CLSTN2: variants seen among roughly 807,000 people sequenced by gnomAD.
CLSTN2 encodes calsyntenin-2.
CLSTN2 carries 48 observed loss-of-function variants against 101.2 expected under a neutral mutation model. The ratio of observed to expected loss-of-function variants is 0.47; its 90% CI spans 0.38 to 0.60. The LOEUF (loss-of-function observed/expected upper bound fraction) is 0.60. CLSTN2 is among the 20% of genes least tolerant of loss of function. CLSTN2 has a pLI of 0.00. For synonymous variants in CLSTN2, 481 were observed against 463.6 expected, an observed-to-expected ratio of 1.04 and a Z score of -0.48; for missense variants, 1,160 against 1,238.2, an observed-to-expected ratio of 0.94 and a Z score of 0.95.
chr3:140,335,933 C>A (rs2087435348), intron 2 of CLSTN2, among the ~76,000 whole-genome samples: 1 of 152,148 alleles, frequency 6.6e-6, no homozygotes, highest in Non-Finnish European at 1.5e-5. Context: ...CTGTTAGGAT[C>A]CCTCCCGTCC....
chr3:140,061,604 A>G (rs1316794485), intron 1 of CLSTN2, among the ~76,000 whole-genome samples: 2 of 152,216 alleles, frequency 1.3e-5, no homozygotes. Context: ...CCCCTCCAAG[A>G]ATACGATAGA....
At chr3:140,037,901 A>G (rs1459614124) in intron 1 of CLSTN2, among the ~76,000 whole-genome samples, 4 of 152,176 alleles carry the variant, frequency 2.6e-5, no homozygotes, top group African/African-American at 4.8e-5. Flanking sequence ...GCTGCATAGT[A>G]TTCCATGGTG....
chr3:140,241,876 T>TACACACACACACAC (rs747382201), intron 2 of CLSTN2, among the ~76,000 whole-genome samples: 105 of 140,080 alleles, frequency 7.5e-4, no homozygotes, highest in African/African-American at 2.6e-3. Context: ...TACACATATA[T>TACACACACACACAC]ATATACACAC....
At chr3:139,985,821 A>C (rs1481067081) in intron 1 of CLSTN2, among the ~76,000 whole-genome samples, 1 of 152,148 alleles carries the variant, frequency 6.6e-6, no homozygotes, top group Admixed American at 6.5e-5. Flanking sequence ...GGATTATGGG[A>C]ATGTTCTGTA....
chr3:140,448,772 T>A, intron 6 of CLSTN2, 68 bp downstream of exon 6: 1 of 1,340,602 alleles, frequency 7.5e-7, no homozygotes, highest in Non-Finnish European at 1.1e-6. Flanking sequence ...AAAAAGCATA[T>A]CTTATTGTCT....
At chr3:140,038,481 A>G (rs1443500908) in intron 1 of CLSTN2, among the ~76,000 whole-genome samples, 1 of 151,892 alleles carries the variant, frequency 6.6e-6, no homozygotes, top group African/African-American at 2.4e-5. Flanking sequence ...ATGTTCTTCC[A>G]TTCTGTAGGT....
At chr3:139,962,663 T>A (rs1347061330) in intron 1 of CLSTN2, among the ~76,000 whole-genome samples, 1 of 152,244 alleles carries the variant, frequency 6.6e-6, no homozygotes, top group Non-Finnish European at 1.5e-5. Flanking sequence ...AATTTTCTTC[T>A]TTTCGTTTGG....
chr3:140,416,833 A>G (rs897088761), intron 4 of CLSTN2, among the ~76,000 whole-genome samples: 1 of 152,220 alleles, frequency 6.6e-6, no homozygotes, highest in Non-Finnish European at 1.5e-5. Flanking sequence ...TTTTCAAGCA[A>G]TTGTTTGGTC....
At chr3:140,565,140 G>A (rs1936002907) in intron 16 of CLSTN2, among the ~76,000 whole-genome samples, 1 of 152,214 alleles carries the variant, frequency 6.6e-6, no homozygotes, top group African/African-American at 2.4e-5. Flanking sequence ...AGCAGTGTGA[G>A]GACAAGGCAA....
chr3:140,207,477 AT>A (rs766467117), intron 2 of CLSTN2, among the ~76,000 whole-genome samples: 8 of 152,188 alleles, frequency 5.3e-5, no homozygotes, highest in Non-Finnish European at 1.2e-4. Context: ...GTGTCTTTAA[AT>A]GGGGATAGAA....
chr3:140,436,662 G>A lies in CLSTN2; in HGVS notation c.788-11857G>A, dbSNP rs1414930389. On this transcript the variant is annotated intron_variant, in intron 5 of 16. Transcript: ENST00000458420. ...CCTGGCCACATGAGCAGCAGGCATG[G>A]ACAGTGGGGCCCCGGCAGGTGTGGA... Among the ~76,000 whole-genome samples, 3 of 152,356 alleles carry A rather than the reference G, an allele frequency of 2.0e-5. No individual in the cohort carries two copies. The East Asian group carries it at 5.8e-4, about 29-fold the overall frequency.
intron 8 of CLSTN2, among the ~76,000 whole-genome samples, chr3:140,521,778 C>T (rs1218354685): frequency 1.3e-5 from 2 of 152,202 alleles, no homozygotes; most frequent in African/African-American, 4.8e-5. Context: ...GGAACTTGGT[C>T]CTTCTCATGC....
intron 8 of CLSTN2, among the ~76,000 whole-genome samples, chr3:140,495,642 A>G (rs1411358982): frequency 6.6e-6 from 1 of 152,160 alleles, no homozygotes; most frequent in African/African-American, 2.4e-5. Flanking sequence ...TTTTTGTATA[A>G]AGGTGTAAGG....
At chr3:139,956,072 G>A (rs892079360) in intron 1 of CLSTN2, among the ~76,000 whole-genome samples, 2 of 152,160 alleles carry the variant, frequency 1.3e-5, no homozygotes, top group African/African-American at 4.8e-5. Flanking sequence ...GATTTCCCTT[G>A]TCACGACTCT....
chr3:140,350,201 C>T (rs2087590748), intron 2 of CLSTN2, among the ~76,000 whole-genome samples: 1 of 152,250 alleles, frequency 6.6e-6, no homozygotes, highest in South Asian at 2.1e-4. Context: ...GAATGGAGCA[C>T]ATTTCAGAAG....
intron 1 of CLSTN2, among the ~76,000 whole-genome samples, chr3:140,070,056 A>G (rs953644449): frequency 1.3e-5 from 2 of 152,018 alleles, no homozygotes; most frequent in African/African-American, 4.8e-5. Flanking sequence ...CATCACACCT[A>G]CTCTTGGATA....
chr3:140,505,122 T>G (rs1245372867), intron 8 of CLSTN2, among the ~76,000 whole-genome samples: 1 of 152,066 alleles, frequency 6.6e-6, no homozygotes, highest in African/African-American at 2.4e-5. Flanking sequence ...TTGACAAGCC[T>G]TCTCTCGAGG....
At chr3:140,032,362 T>A (rs1344460657) in intron 1 of CLSTN2, among the ~76,000 whole-genome samples, 4 of 134,426 alleles carry the variant, frequency 3.0e-5, no homozygotes, top group African/African-American at 8.6e-5. Context: ...TGAGACGGAG[T>A]CTCACTCTTG....
At chr3:140,529,444 T>C (rs1321229372) in intron 8 of CLSTN2, among the ~76,000 whole-genome samples, 1 of 152,228 alleles carries the variant, frequency 6.6e-6, no homozygotes, top group African/African-American at 2.4e-5. Flanking sequence ...CAGTCGGGAA[T>C]TGAAGTTCTT....
Sources: allele counts gnomAD v4.1 joint callset (sites outside exome capture counted in the v4.1 genomes callset), GRCh38; gene constraint gnomAD v4.1.1; transcripts MANE v1.5; gene names NCBI Gene and HGNC (gene_info 2026-07-23, HGNC 2026-07-21).